KLHL1: variants seen among roughly 807,000 people sequenced by gnomAD.
KLHL1 encodes the protein kelch-like protein 1.
Under a neutral mutation model 77.7 loss-of-function variants are expected in KLHL1, and 47 were observed. The ratio of observed to expected loss-of-function variants is 0.60; its 90% CI spans 0.48 to 0.77. The LOEUF is 0.77. KLHL1 is among the 30% of genes least tolerant of loss of function. KLHL1 has a pLI of 0.00. For missense variants in KLHL1, 925 were observed against 910.8 expected (o/e 1.02, Z -0.20); for synonymous variants, 360 against 325.2 (o/e 1.11, Z -1.15).
chr13:69,820,597 G>C (rs1489867515), intron 6 of KLHL1, among the ~76,000 whole-genome samples: 1 of 152,192 alleles, frequency 6.6e-6, no homozygotes, highest in Non-Finnish European at 1.5e-5. Context: ...AGTGAAATTT[G>C]AATAGCATCA....
chr13:69,764,044 C>A (rs565630504), intron 7 of KLHL1, among the ~76,000 whole-genome samples: 12 of 152,100 alleles, frequency 7.9e-5, no homozygotes, highest in Non-Finnish European at 1.5e-4. Flanking sequence ...AGAATGACAT[C>A]TATGCCTGAA....
intron 5 of KLHL1, 131 bp from the exon 6 acceptor site, chr13:69,839,293 T>G (rs557420221): frequency 7.0e-5 from 35 of 501,988 alleles, no homozygotes; most frequent in African/African-American, 5.7e-4. Flanking sequence ...GTAGTAAGAA[T>G]TCATTACAGT....
intron 1 of KLHL1, among the ~76,000 whole-genome samples, chr13:70,001,657 T>TTATCTATCTATCTATC (rs71116972): frequency 1.3e-3 from 185 of 145,378 alleles, no homozygotes; most frequent in East Asian, 2.7e-3. Context: ...TATCTATCTA[T>TTATCTATCTATCTATC]TATCTATCTA....
chr13:69,990,979 T>C (rs1331005979), intron 1 of KLHL1, among the ~76,000 whole-genome samples: 1 of 151,878 alleles, frequency 6.6e-6, no homozygotes, highest in Admixed American at 6.6e-5. Flanking sequence ...AGCATCAAAA[T>C]AGAAATGAAG....
intron 5 of KLHL1, among the ~76,000 whole-genome samples, chr13:69,861,576 A>C (rs993911137): frequency 6.6e-6 from 1 of 151,932 alleles, no homozygotes; most frequent in Non-Finnish European, 1.5e-5. Flanking sequence ...ACACACGCAC[A>C]TATATGCAAT....
chr13:69,849,669 A>C (rs965534897), intron 5 of KLHL1, among the ~76,000 whole-genome samples: 3 of 151,464 alleles, frequency 2.0e-5, no homozygotes, highest in African/African-American at 7.2e-5. Flanking sequence ...AACAGTTACC[A>C]TATATGTAGT....
At chr13:69,894,987 C>T in intron 4 of KLHL1, 1 of 499,414 alleles carries the variant, frequency 2.0e-6, no homozygotes, top group Non-Finnish European at 4.0e-6. Flanking sequence ...GTTCTGAGCT[C>T]ACAAATGTAG....
intron 1 of KLHL1, among the ~76,000 whole-genome samples, chr13:70,004,501 C>G (rs1885363057): frequency 7.9e-6 from 1 of 125,904 alleles, no homozygotes; most frequent in Admixed American, 9.0e-5. Context: ...ACCACAATTA[C>G]TAGTTTTATC....
intron 7 of KLHL1, among the ~76,000 whole-genome samples, chr13:69,775,558 G>T (rs1222370675): frequency 6.6e-6 from 1 of 152,110 alleles, no homozygotes. Context: ...TCTAGCTAGG[G>T]TTATTGGAGT....
intron 1 of KLHL1, among the ~76,000 whole-genome samples, chr13:70,042,306 G>A (rs1041192310): frequency 1.3e-5 from 2 of 151,728 alleles, no homozygotes; most frequent in Admixed American, 6.6e-5. Context: ...TGCTTGTGTG[G>A]GTGTGTGTGT....
At chr13:69,855,949 T>C (rs1027092031) in intron 5 of KLHL1, among the ~76,000 whole-genome samples, 2 of 147,568 alleles carry the variant, frequency 1.4e-5, no homozygotes, top group African/African-American at 4.9e-5. Flanking sequence ...TTATATATTA[T>C]ATATGTTATA....
At chr13:69,990,197 A>T (rs936015834) in intron 1 of KLHL1, among the ~76,000 whole-genome samples, 1 of 151,938 alleles carries the variant, frequency 6.6e-6, no homozygotes, top group Non-Finnish European at 1.5e-5. Context: ...TGGAAAGACC[A>T]TTACCAGCCA....
rs1239428203 is a variant in KLHL1, at chr13:69,831,529, A to C, written c.1414+7447T>G. Reference sequence around the variant, plus strand: ...GAATTATATCAGATATTCAAGGAAGAATTGGTACCAATTCTATTGAAACTA... The same window carrying C: ...GAATTATATCAGATATTCAAGGAAGCATTGGTACCAATTCTATTGAAACTA... On this transcript the variant is annotated intron_variant, in intron 6 of 10. Transcript: ENST00000377844. Among the ~76,000 whole-genome samples, 10 of 149,996 alleles carry C rather than the reference A, an allele frequency of 6.7e-5. 2 individuals are homozygous for C. Among genetic ancestry groups the C allele is most frequent in the African/African-American group, 2.5e-4 (10 of 39,974 alleles).
rs146192954 is a variant in KLHL1 at position 69,798,525 on chromosome 13, T to A, written c.1415-1563A>T. ...TGAACTATTAGGAAATTATTGTTATTGTTAGGATAAAAATAAATTGCAATG... is the reference window on the plus strand; with the variant it reads ...TGAACTATTAGGAAATTATTGTTATAGTTAGGATAAAAATAAATTGCAATG... On this transcript the variant is annotated intron_variant, in intron 6 of 10. Coordinates refer to ENST00000377844, the MANE Select transcript of KLHL1 (RefSeq NM_020866.3). 6.0e-3 allele frequency among the ~76,000 whole-genome samples: 920 copies of A among 152,192 alleles called. 8 individuals are homozygous for A. The highest frequency in any genetic ancestry group is 0.02 in the African/African-American group (836 of 41,544).
At chr13:70,087,255 T>C (rs1468819555) in intron 1 of KLHL1, among the ~76,000 whole-genome samples, 2 of 152,264 alleles carry the variant, frequency 1.3e-5, no homozygotes, top group East Asian at 1.9e-4. Context: ...AGGCGATTTA[T>C]ATTAAAATTG....
intron 1 of KLHL1, among the ~76,000 whole-genome samples, chr13:70,013,330 G>A (rs1049376245): frequency 6.6e-6 from 1 of 152,120 alleles, no homozygotes; most frequent in Non-Finnish European, 1.5e-5. Flanking sequence ...AATACCAATG[G>A]TAATGATATA....
intron 7 of KLHL1, among the ~76,000 whole-genome samples, chr13:69,769,981 TCCCCAGA>T (rs1312127219): frequency 1.3e-5 from 2 of 151,958 alleles, no homozygotes; most frequent in African/African-American, 4.8e-5. Context: ...CCCTTCTGGG[TCCCCAGA>T]CCCCAGACCT....
At chr13:69,761,221 T>C (rs1875005741) in intron 7 of KLHL1, among the ~76,000 whole-genome samples, 1 of 152,182 alleles carries the variant, frequency 6.6e-6, no homozygotes, top group African/African-American at 2.4e-5. Context: ...CATGGTCAGA[T>C]AATATTTGTA....
chr13:69,705,610 T>C (rs74092459), intron 10 of KLHL1, among the ~76,000 whole-genome samples: 28,270 of 151,520 alleles, frequency 0.19, 3,007 homozygotes, highest in African/African-American at 0.28. Flanking sequence ...TTGTGTGGGT[T>C]GGCTGCTCAT....
Sources: allele counts gnomAD v4.1 joint callset (sites outside exome capture counted in the v4.1 genomes callset), GRCh38; gene constraint gnomAD v4.1.1; transcripts MANE v1.5; gene names NCBI Gene and HGNC (gene_info 2026-07-23, HGNC 2026-07-21).